ARHGAP25: variants seen among roughly 807,000 people sequenced by gnomAD.
ARHGAP25 encodes Rho GTPase activating protein 25.
Under a neutral mutation model 71.0 loss-of-function variants are expected in ARHGAP25, and 34 were observed. The ratio of observed to expected loss-of-function variants is 0.48; its 90% CI spans 0.36 to 0.64. The LOEUF is 0.64. Among genes scored for constraint, ARHGAP25 ranks in the 30% least tolerant of loss-of-function variants. ARHGAP25 has a pLI of 0.00. For synonymous variants in ARHGAP25, 282 were observed against 296.5 expected (o/e 0.95, Z 0.50); for missense variants, 706 against 805.1 (o/e 0.88, Z 1.49).
chr2:68,792,471 C>T (rs1022189347), intron 4 of ARHGAP25, among the ~76,000 whole-genome samples: 2 of 152,274 alleles, frequency 1.3e-5, no homozygotes, highest in South Asian at 2.1e-4. Context: ...TGTGTGTACA[C>T]GTTACTTAGC....
rs965765344 is a variant in ARHGAP25 at position 68,791,327 on chromosome 2, A to G, written c.466+3371A>G. 4.5e-4 allele frequency among the ~76,000 whole-genome samples: 69 copies of G among 152,250 alleles called. 1 individual carries two copies. The highest frequency in any genetic ancestry group is 1.6e-3 in the African/African-American group (68 of 41,464). ...CAGTACCATATCCTAGAATCTAAAC[A>G]GTGCTCAATAAAGATTTATTAATCG... On this transcript the variant is annotated intron_variant, in intron 4 of 10. Transcript: ENST00000409202.
At chr2:68,725,222 A>G (rs533985820) in intron 2 of ARHGAP25, among the ~76,000 whole-genome samples, 3 of 152,078 alleles carry the variant, frequency 2.0e-5, no homozygotes, top group Non-Finnish European at 4.4e-5. Flanking sequence ...ACTCACCTAG[A>G]CCATTGCAGT....
In ARHGAP25 at chr2:68,760,564, A is replaced by G. The variant is rs560788636; in HGVS notation, c.62-14657A>G. Among the ~76,000 whole-genome samples the G allele has an allele frequency of 1.9e-3, 292 of 152,196 alleles. 2 individuals carry two copies. Among genetic ancestry groups the G allele is most frequent in the African/African-American group, 6.7e-3 (279 of 41,554 alleles). Reference sequence around the variant, plus strand: ...AGTGATCAATCTGAAAAGAAAATTAAGAGAATAGTTTCATTTACAATACCA... The same window carrying G: ...AGTGATCAATCTGAAAAGAAAATTAGGAGAATAGTTTCATTTACAATACCA... On this transcript the variant is annotated intron_variant, in intron 1 of 10. Coordinates refer to ENST00000409202, the MANE Select transcript of ARHGAP25 (RefSeq NM_001007231.3).
chr2:68,732,796 G>A (rs138996932), upstream of ARHGAP25, among the ~76,000 whole-genome samples: 3 of 152,200 alleles, frequency 2.0e-5, no homozygotes, highest in East Asian at 1.9e-4. Flanking sequence ...CGTTAAATGC[G>A]CTTGCAAGGT....
At chr2:68,717,450 T>C (rs1674641488) in intron 2 of ARHGAP25, among the ~76,000 whole-genome samples, 1 of 152,136 alleles carries the variant, frequency 6.6e-6, no homozygotes, top group Admixed American at 6.5e-5. Flanking sequence ...GTCAATTCAA[T>C]CTTTTCTTTT....
At position 68,792,932 on chromosome 2, in the gene ARHGAP25, T is replaced by C. The variant is rs1346800068; in HGVS notation, c.466+4976T>C. On this transcript the variant is annotated intron_variant, in intron 4 of 10. Coordinates refer to ENST00000409202, the MANE Select transcript of ARHGAP25 (RefSeq NM_001007231.3). Reference sequence around the variant, plus strand: ...TCTTTTCTCTGCATCTTGACCGACATCTGTTATTTTTTTACTTTTTGGTAA... The same window carrying C: ...TCTTTTCTCTGCATCTTGACCGACACCTGTTATTTTTTTACTTTTTGGTAA... Among the ~76,000 whole-genome samples, 5 of 151,970 alleles carry C rather than the reference T, an allele frequency of 3.3e-5. No individual in the cohort carries two copies. The East Asian group carries it at 9.6e-4, about 29-fold the overall frequency.
chr2:68,738,957 GTC>G (rs1185428360), intron 1 of ARHGAP25, among the ~76,000 whole-genome samples: 6 of 152,110 alleles, frequency 3.9e-5, no homozygotes, highest in Admixed American at 1.3e-4. Context: ...AAGTAAAAAT[GTC>G]TGTCCGTAAT....
intron 1 of ARHGAP25, among the ~76,000 whole-genome samples, chr2:68,756,263 C>A (rs192534502): frequency 6.6e-6 from 1 of 152,262 alleles, no homozygotes; most frequent in East Asian, 1.9e-4. Context: ...GTGCAGGGGC[C>A]GAATGGGAAA....
chr2:68,776,606 A>G (rs1284472022), intron 2 of ARHGAP25, among the ~76,000 whole-genome samples: 1 of 152,160 alleles, frequency 6.6e-6, no homozygotes, highest in African/African-American at 2.4e-5. Context: ...TCTTCGGCCA[A>G]CCTCATTGCT....
In ARHGAP25 at chr2:68,788,612, C is replaced by T. The variant is rs79623958; in HGVS notation, c.466+656C>T. On this transcript the variant is annotated intron_variant, in intron 4 of 10. Transcript: ENST00000409202. ...TGAGGAGGGTCCTGACTAAAGAAAACGGATGCAAAAACTATCTGAAATTAA... is the reference window on the plus strand; with the variant it reads ...TGAGGAGGGTCCTGACTAAAGAAAATGGATGCAAAAACTATCTGAAATTAA... 6.9e-3 allele frequency among the ~76,000 whole-genome samples: 1,049 copies of T among 152,242 alleles called. 9 individuals carry two copies. The highest frequency in any genetic ancestry group is 0.021 in the African/African-American group (858 of 41,536).
At chr2:68,737,333 G>A (rs912731767) in intron 1 of ARHGAP25, among the ~76,000 whole-genome samples, 1 of 152,200 alleles carries the variant, frequency 6.6e-6, no homozygotes, top group African/African-American at 2.4e-5. Context: ...GGGAAGACCT[G>A]TGGAACTGGG....
In ARHGAP25 at chr2:68,746,001, G is replaced by C. The variant is rs542297380; in HGVS notation, c.61+10741G>C. Among the ~76,000 whole-genome samples, 6 of 152,298 alleles carry C rather than the reference G, an allele frequency of 3.9e-5. No homozygotes were observed. In the East Asian group the frequency reaches 1.2e-3, roughly 29 times the overall value. The stretch of plus-strand genomic sequence containing the variant: ...GATCTTAATACCATCCATCAGAGCA[G>C]AGCTGTCATGACCTAATCACCTCCC... On this transcript the variant is annotated intron_variant, in intron 1 of 10. Coordinates refer to ENST00000409202, the MANE Select transcript of ARHGAP25 (RefSeq NM_001007231.3).
chr2:68,734,845 G>A lies in ARHGAP25; in HGVS notation c.-355G>A. The A allele has an allele frequency of 3.2e-6, 1 of 317,206 alleles. No individual in the cohort carries two copies. The highest frequency in any genetic ancestry group is 6.6e-5 in the East Asian group (1 of 15,052). 19.6% of individuals were successfully genotyped at this position (317,206 alleles called of 1,614,324 possible). The stretch of plus-strand genomic sequence containing the variant: ...TCACGACCTCAACTCAGTAAGGCCT[G>A]AGATTCTTTCGAAAAGGAGCTTTGC... On this transcript the variant is annotated 5_prime_UTR_variant, in exon 1 of 11. Coordinates refer to ENST00000409202, the MANE Select transcript of ARHGAP25 (RefSeq NM_001007231.3).
intron 4 of ARHGAP25, among the ~76,000 whole-genome samples, chr2:68,798,482 G>A (rs954550749): frequency 2.0e-5 from 3 of 150,290 alleles, no homozygotes; most frequent in Admixed American, 6.6e-5. Context: ...TAACACTGGG[G>A]CACAACAGTG....
chr2:68,773,603 A>G (rs1677632948), intron 1 of ARHGAP25, among the ~76,000 whole-genome samples: 1 of 152,226 alleles, frequency 6.6e-6, no homozygotes, highest in South Asian at 2.1e-4. Flanking sequence ...CCCCACCATT[A>G]GGCGATGGAC....
At chr2:68,798,240 G>A (rs182330352) in intron 4 of ARHGAP25, among the ~76,000 whole-genome samples, 25 of 152,276 alleles carry the variant, frequency 1.6e-4, no homozygotes, top group Admixed American at 1.6e-3. Flanking sequence ...TTATGAGCAT[G>A]ATTTCCTAAT....
At chr2:68,719,714 G>C (rs1674707410) in intron 2 of ARHGAP25, among the ~76,000 whole-genome samples, 1 of 151,952 alleles carries the variant, frequency 6.6e-6, no homozygotes, top group Non-Finnish European at 1.5e-5. Flanking sequence ...TATGACCCAG[G>C]CACTTTACAT....
At chr2:68,812,636 T>C (rs185846236) in intron 5 of ARHGAP25, among the ~76,000 whole-genome samples, 1 of 152,210 alleles carries the variant, frequency 6.6e-6, no homozygotes, top group Non-Finnish European at 1.5e-5. Flanking sequence ...TATCATGGCA[T>C]TAGCCGCACA....
chr2:68,765,363 A>G (rs1677062050), intron 1 of ARHGAP25, among the ~76,000 whole-genome samples: 1 of 151,550 alleles, frequency 6.6e-6, no homozygotes, highest in African/African-American at 2.4e-5. Flanking sequence ...TGACATGTAA[A>G]AAAAAAAAAA....
Sources: gnomAD v4.1 joint callset for allele counts (sites outside exome capture counted in the v4.1 genomes callset) on GRCh38, gnomAD v4.1.1 for gene constraint, MANE v1.5 for transcripts, NCBI Gene and HGNC (gene_info 2026-07-23, HGNC 2026-07-21) for gene names.